Variants in ZNF423 observed in about 807,000 individuals in gnomAD.
The protein encoded by ZNF423 is zinc finger protein 423.
In ZNF423, 12 loss-of-function variants were observed where a neutral mutation model predicts 95.8. The ratio of observed to expected loss-of-function variants is 0.13; its 90% confidence interval spans 0.08 to 0.20. The LOEUF (loss-of-function observed/expected upper bound fraction) is 0.20. ZNF423 is among the 10% of genes least tolerant of loss of function. The pLI, the probability that ZNF423 is intolerant of heterozygous loss-of-function variation, is 1.00. For missense variants in ZNF423, 1,316 were observed against 1,737.1 expected (o/e 0.76, Z 4.31); for synonymous variants, 749 against 711.9 (o/e 1.05, Z -0.83).
intron 5 of ZNF423, among the ~76,000 whole-genome samples, chr16:49,555,547 T>C (rs1567464650): frequency 6.6e-6 from 1 of 152,190 alleles, no homozygotes; most frequent in African/African-American, 2.4e-5. Flanking sequence ...GTGTTGAAGG[T>C]AGGACATTAA....
chr16:49,682,143 C>T lies in ZNF423; in HGVS notation c.302-43269G>A, dbSNP rs534944735. Among the ~76,000 whole-genome samples the T allele has an allele frequency of 8.8e-4, 134 of 152,154 alleles. 1 individual carries two copies. The highest frequency in any genetic ancestry group is 3.1e-3 in the African/African-American group (127 of 41,498). ...CCCTACCCATGTCTTTGCTAGCACT[C>T]GGCCAGTTTCCTCTCTGCTCTCCCA... On this transcript the variant is annotated intron_variant, in intron 3 of 7. Coordinates refer to ENST00000563137, the MANE Select transcript of ZNF423 (RefSeq NM_001379286.1).
chr16:49,827,433 C>A (rs1393574987), intron 1 of ZNF423, among the ~76,000 whole-genome samples: 1 of 152,166 alleles, frequency 6.6e-6, no homozygotes, highest in Non-Finnish European at 1.5e-5. Flanking sequence ...TTTCTCACTG[C>A]AGCAGCAAGA....
chr16:49,805,161 A>G (rs1452779693), intron 1 of ZNF423, among the ~76,000 whole-genome samples: 1 of 151,922 alleles, frequency 6.6e-6, no homozygotes, highest in African/African-American at 2.4e-5. Context: ...TCAGCCTCCC[A>G]AGATCCCACA....
chr16:49,517,170 T>A (rs150666764), intron 7 of ZNF423, among the ~76,000 whole-genome samples: 91 of 152,310 alleles, frequency 6.0e-4, no homozygotes, highest in Admixed American at 1.2e-3. Flanking sequence ...GGAATAGGGC[T>A]GCCAAAAACC....
At chr16:49,657,832 G>A (rs879804523) in intron 3 of ZNF423, among the ~76,000 whole-genome samples, 2 of 152,188 alleles carry the variant, frequency 1.3e-5, no homozygotes, top group Non-Finnish European at 2.9e-5. Flanking sequence ...AGGTACAACT[G>A]CCACAGATGG....
In ZNF423 at chr16:49,557,446, G is replaced by C. The variant is rs577983941; in HGVS notation, c.3602-31952C>G. Among the ~76,000 whole-genome samples the C allele has an allele frequency of 3.3e-5, 5 of 152,314 alleles. No homozygotes were observed. The East Asian group carries it at 9.6e-4, about 29-fold the overall frequency. ...AGGAGGAACTCCCGGGGCCACCAGGGCTAGGGGAATTACATGAGGGGATCC... is the reference window on the plus strand; with the variant it reads ...AGGAGGAACTCCCGGGGCCACCAGGCCTAGGGGAATTACATGAGGGGATCC... On this transcript the variant is annotated intron_variant, in intron 5 of 7. Coordinates refer to ENST00000563137, the MANE Select transcript of ZNF423 (RefSeq NM_001379286.1).
In ZNF423 at chr16:49,654,388, C is replaced by T. The variant is rs572630052; in HGVS notation, c.302-15514G>A. Among the ~76,000 whole-genome samples, 15 of 152,334 alleles carry T rather than the reference C, an allele frequency of 9.8e-5. No homozygotes were observed. In the East Asian group the frequency reaches 2.9e-3, roughly 29 times the overall value. Reference sequence around the variant, plus strand: ...CCTCCTTTCCTGGTGTTCATCTGGGCCTACAGAAGATGGCAGTCCAATACG... The same window carrying T: ...CCTCCTTTCCTGGTGTTCATCTGGGTCTACAGAAGATGGCAGTCCAATACG... On this transcript the variant is annotated intron_variant, in intron 3 of 7. Coordinates refer to ENST00000563137, the MANE Select transcript of ZNF423 (RefSeq NM_001379286.1).
intron 3 of ZNF423, among the ~76,000 whole-genome samples, chr16:49,726,940 A>C (rs2033035075): frequency 6.6e-6 from 1 of 151,734 alleles, no homozygotes; most frequent in Non-Finnish European, 1.5e-5. Flanking sequence ...TGTGACAAAC[A>C]CAGAACGTGA....
chr16:49,705,028 G>A (rs1039687154), intron 3 of ZNF423, among the ~76,000 whole-genome samples: 2 of 152,168 alleles, frequency 1.3e-5, no homozygotes, highest in African/African-American at 4.8e-5. Context: ...TTTGTTGCCC[G>A]AGCTATTGGC....
At chr16:49,506,344 G>A (rs1483911136) in intron 7 of ZNF423, among the ~76,000 whole-genome samples, 1 of 152,152 alleles carries the variant, frequency 6.6e-6, no homozygotes, top group African/African-American at 2.4e-5. Context: ...CAGATGGATG[G>A]ATGGGTAGAT....
At chr16:49,527,280 G>T (rs553401945) in intron 5 of ZNF423, among the ~76,000 whole-genome samples, 1 of 152,182 alleles carries the variant, frequency 6.6e-6, no homozygotes, top group Admixed American at 6.5e-5. Flanking sequence ...ACATACACCC[G>T]ACAGAGACTC....
At position 49,597,890 on chromosome 16, in the gene ZNF423, C is replaced by T. The variant is rs888955446; in HGVS notation, c.3601+28280G>A. Among the ~76,000 whole-genome samples the T allele has an allele frequency of 6.6e-5, 10 of 152,300 alleles. No individual in the cohort carries two copies. The South Asian group carries it at 1.7e-3, about 25-fold the overall frequency. ...GACCACAGCCCTGGCCTTGTTCATT[C>T]CTCAGTCAAAAAGGGCTGGAATATT... On this transcript the variant is annotated intron_variant, in intron 5 of 7. Transcript: ENST00000563137.
At chr16:49,721,807 A>T (rs1355939024) in intron 3 of ZNF423, among the ~76,000 whole-genome samples, 2 of 152,164 alleles carry the variant, frequency 1.3e-5, no homozygotes, top group Admixed American at 6.5e-5. Context: ...AGAAAGACAC[A>T]TAGACTGTAG....
At chr16:49,712,864 C>T (rs2032588494) in intron 3 of ZNF423, among the ~76,000 whole-genome samples, 1 of 152,246 alleles carries the variant, frequency 6.6e-6, no homozygotes, top group Non-Finnish European at 1.5e-5. Flanking sequence ...TCTCCACTGC[C>T]ATTGTCCCTA....
intron 2 of ZNF423, among the ~76,000 whole-genome samples, chr16:49,751,099 A>G (rs765657649): frequency 6.6e-6 from 1 of 152,238 alleles, no homozygotes; most frequent in Non-Finnish European, 1.5e-5. Context: ...CAGTGCACAC[A>G]ACTCCATTCA....
At chr16:49,736,941 G>C (rs992810623) in intron 2 of ZNF423, among the ~76,000 whole-genome samples, 2 of 152,236 alleles carry the variant, frequency 1.3e-5, no homozygotes, top group South Asian at 4.1e-4. Context: ...GCCCTCTAGA[G>C]GGAAGGAGCA....
chr16:49,712,767 G>A (rs1468075606), intron 3 of ZNF423, among the ~76,000 whole-genome samples: 2 of 152,238 alleles, frequency 1.3e-5, no homozygotes, highest in East Asian at 1.9e-4. Flanking sequence ...GGCGCGATCC[G>A]CGAGTGGAAA....
chr16:49,739,693 TTGG>T (rs1032867703), intron 2 of ZNF423, among the ~76,000 whole-genome samples: 6 of 76,656 alleles, frequency 7.8e-5, no homozygotes, highest in Non-Finnish European at 1.2e-4. Context: ...TTGTTTTTGT[TTGG>T]TTTTTTTTTT....
chr16:49,831,812 G>A (rs557118040), intron 1 of ZNF423, among the ~76,000 whole-genome samples: 6 of 152,002 alleles, frequency 3.9e-5, no homozygotes, highest in South Asian at 4.2e-4. Flanking sequence ...CCAACATGGC[G>A]AAACCCCATC....
Sources: allele counts gnomAD v4.1 joint callset (sites outside exome capture counted in the v4.1 genomes callset), GRCh38; gene constraint gnomAD v4.1.1; transcripts MANE v1.5; gene names NCBI Gene and HGNC (gene_info 2026-07-23, HGNC 2026-07-21).